CSMD2: variants seen among roughly 807,000 people sequenced by gnomAD.
The protein encoded by CSMD2 is CUB and sushi domain-containing protein 2.
CSMD2 carries 130 observed loss-of-function variants against 398.5 expected under a neutral mutation model. The ratio of observed to expected loss-of-function variants is 0.33; its 90% CI spans 0.28 to 0.38. The LOEUF (loss-of-function observed/expected upper bound fraction) is 0.38, where lower values mean the gene tolerates loss of function less well. Ranked by LOEUF, CSMD2 falls within the 10% of genes least tolerant of loss-of-function variation. CSMD2 has a pLI of 1.00. For synonymous variants in CSMD2, 1,828 were observed against 1,908.5 expected, an observed-to-expected ratio of 0.96 and a Z score of 1.10; for missense variants, 3,829 against 4,764.9, an observed-to-expected ratio of 0.80 and a Z score of 5.78.
chr1:34,004,679 A>T (rs1647004654), intron 3 of CSMD2, among the ~76,000 whole-genome samples: 1 of 152,068 alleles, frequency 6.6e-6, no homozygotes, highest in Non-Finnish European at 1.5e-5. Context: ...AGGGTGTAGG[A>T]GGGGAGGGAG....
intron 55 of CSMD2, 95 bp from the exon 56 acceptor site, chr1:33,550,445 A>G: frequency 7.4e-7 from 1 of 1,348,650 alleles, no homozygotes; most frequent in South Asian, 1.4e-5. Flanking sequence ...GAGGCTGGGA[A>G]GAAGAGAAAC....
intron 5 of CSMD2, among the ~76,000 whole-genome samples, chr1:33,881,746 C>T (rs572632786): frequency 6.6e-6 from 1 of 152,132 alleles, no homozygotes; most frequent in Admixed American, 6.6e-5. Flanking sequence ...GTAATATAAG[C>T]TTATTATAAA....
rs920147147 is a variant in CSMD2 at position 34,164,646 on chromosome 1, C to G, written c.187+265G>C. On this transcript the variant is annotated intron_variant, in intron 1 of 70. Transcript: ENST00000373381. This position sits in a 1 kb window ranked among gnomAD's most constrained non-coding sequence, Gnocchi z 6.2. ...AACCCCGGGCGGGGATGTCTGTCTC[C>G]CAGGCCCCCACACCGGCCGCATCCG... Among the ~76,000 whole-genome samples the G allele has an allele frequency of 6.6e-6, 1 of 152,084 alleles. No individual in the cohort carries two copies. The highest frequency in any genetic ancestry group is 6.5e-5 in the Admixed American group (1 of 15,280).
chr1:33,965,617 A>G (rs766594954), intron 3 of CSMD2, among the ~76,000 whole-genome samples: 16 of 152,340 alleles, frequency 1.1e-4, no homozygotes, highest in Middle Eastern at 3.4e-3. Flanking sequence ...ACATCTAGGC[A>G]CAACAACCCT....
intron 41 of CSMD2, among the ~76,000 whole-genome samples, chr1:33,610,076 G>T (rs1277370719): frequency 6.6e-6 from 1 of 152,176 alleles, no homozygotes; most frequent in Non-Finnish European, 1.5e-5. Context: ...ACCAGACACG[G>T]AATCTGCTGG....
chr1:33,589,435 T>G (rs1214483222), intron 44 of CSMD2, among the ~76,000 whole-genome samples: 3 of 152,224 alleles, frequency 2.0e-5, no homozygotes, highest in South Asian at 4.1e-4. Context: ...CTGGGAGAGA[T>G]AGTCGTCTGT....
chr1:33,740,614 C>T lies in CSMD2; in HGVS notation c.2174-1280G>A, dbSNP rs193118292. ...CTTCAGTTGAGTGCCCAACACCCTT[C>T]CATTTGAACGCTTAGGTCAGCCCAG... On this transcript the variant is annotated intron_variant, in intron 14 of 70. Coordinates refer to ENST00000373381, the MANE Select transcript of CSMD2 (RefSeq NM_001281956.2). 3.5e-3 allele frequency among the ~76,000 whole-genome samples: 537 copies of T among 152,296 alleles called. 2 individuals are homozygous for T. The highest frequency in any genetic ancestry group is 7.0e-3 in the Admixed American group (107 of 15,306).
At chr1:34,138,520 GTAA>G (rs1558447862) in intron 1 of CSMD2, among the ~76,000 whole-genome samples, 2 of 152,188 alleles carry the variant, frequency 1.3e-5, no homozygotes, top group Admixed American at 6.5e-5. Context: ...AGATTCTGAT[GTAA>G]CAGCTTAACT....
chr1:33,624,472 G>A lies in CSMD2; in HGVS notation c.5625+47C>T. ...GGTTGTCACCTGTGAGCTGTTACCT[G>A]GGAGCAGACGGCCACCTGCCCGACC... On this transcript the variant is annotated intron_variant, in intron 35 of 70. Coordinates refer to ENST00000373381, the MANE Select transcript of CSMD2 (RefSeq NM_001281956.2). This position sits in a 1 kb window ranked among gnomAD's most constrained non-coding sequence, Gnocchi z 4.7. 3.1e-6 allele frequency: 5 copies of A among 1,604,558 alleles called. No individual in the cohort carries two copies. The highest frequency in any genetic ancestry group is 4.3e-6 in the Non-Finnish European group (5 of 1,174,982).
At chr1:33,816,435 G>C (rs950504288) in intron 9 of CSMD2, among the ~76,000 whole-genome samples, 1 of 152,106 alleles carries the variant, frequency 6.6e-6, no homozygotes, top group African/African-American at 2.4e-5. Context: ...GGACTCAAAG[G>C]CTACTGAAAA....
At chr1:33,566,929 T>G (rs1472743806) in intron 53 of CSMD2, among the ~76,000 whole-genome samples, 1 of 152,176 alleles carries the variant, frequency 6.6e-6, no homozygotes, top group Non-Finnish European at 1.5e-5. Flanking sequence ...ATCAGATATA[T>G]CTCATGAATA....
At position 34,039,052 on chromosome 1, in the gene CSMD2, T is replaced by C. The variant is rs559293587; in HGVS notation, c.405-6346A>G. The stretch of plus-strand genomic sequence containing the variant: ...TCATTCAAATCTTATCACGAGTGTC[T>C]CAACGTTACTTCTAGAAAGGTGCAT... On this transcript the variant is annotated intron_variant, in intron 2 of 70. Transcript: ENST00000373381. 2.0e-5 allele frequency among the ~76,000 whole-genome samples: 3 copies of C among 152,294 alleles called. No individual in the cohort carries two copies. In the South Asian group the frequency reaches 6.2e-4, roughly 32 times the overall value.
At chr1:34,058,596 G>A (rs1654120068) in intron 2 of CSMD2, among the ~76,000 whole-genome samples, 1 of 152,226 alleles carries the variant, frequency 6.6e-6, no homozygotes. Flanking sequence ...GAGACAGGGA[G>A]AAGGCAGGGT....
intron 19 of CSMD2, among the ~76,000 whole-genome samples, chr1:33,723,734 C>T (rs183669460): frequency 2.0e-5 from 3 of 152,256 alleles, no homozygotes; most frequent in Non-Finnish European, 2.9e-5. Context: ...GTATCTGATG[C>T]TCCTCCAGGA....
chr1:33,586,956 C>A (rs564344106), intron 45 of CSMD2, 132 bp downstream of exon 45: 2 of 668,034 alleles, frequency 3.0e-6, no homozygotes, highest in Admixed American at 3.0e-5. Context: ...CCCTCTGGCA[C>A]AGGGCCTACT....
chr1:33,731,123 T>C (rs1646703665), intron 15 of CSMD2, among the ~76,000 whole-genome samples: 1 of 152,200 alleles, frequency 6.6e-6, no homozygotes, highest in Non-Finnish European at 1.5e-5. Context: ...ACATAAAGTA[T>C]GTTTGGATTG....
intron 27 of CSMD2, among the ~76,000 whole-genome samples, chr1:33,656,403 T>G (rs1418640008): frequency 6.6e-6 from 1 of 152,204 alleles, no homozygotes; most frequent in Non-Finnish European, 1.5e-5. Flanking sequence ...AGTGAAGAAC[T>G]CAGCTGGATC....
At chr1:33,583,978 G>C (rs1322097421) in intron 46 of CSMD2, 148 bp from the exon 47 acceptor site, 10 of 647,334 alleles carry the variant, frequency 1.5e-5, no homozygotes, top group Non-Finnish European at 2.4e-5. Flanking sequence ...TCACTGTGCT[G>C]CTCCATGACA....
At chr1:33,909,199 G>A (rs1357279736) in intron 5 of CSMD2, among the ~76,000 whole-genome samples, 3 of 152,174 alleles carry the variant, frequency 2.0e-5, no homozygotes, top group Non-Finnish European at 2.9e-5. Context: ...CAGAGGACAG[G>A]TACCAGGCCT....
Sources: allele counts gnomAD v4.1 joint callset (sites outside exome capture counted in the v4.1 genomes callset), GRCh38; gene constraint gnomAD v4.1.1; non-coding constraint Gnocchi (gnomAD v3.1); transcripts MANE v1.5; gene names NCBI Gene and HGNC (gene_info 2026-07-23, HGNC 2026-07-21).